CASR: variants seen among roughly 807,000 people sequenced by gnomAD.
CASR encodes the protein extracellular calcium-sensing receptor.
Under a neutral mutation model 69.1 loss-of-function variants are expected in CASR, and 23 were observed. That is an observed-to-expected ratio of 0.33 (90% CI 0.24 to 0.47). CASR has a LOEUF of 0.47. CASR is among the 20% of genes least tolerant of loss of function. CASR has a pLI of 1.00. For synonymous variants in CASR, 541 were observed against 544.7 expected, an observed-to-expected ratio of 0.99 and a Z score of 0.10; for missense variants, 924 against 1,356.1, an observed-to-expected ratio of 0.68 and a Z score of 5.00.
At chr3:122,270,911 A>G (rs2074750485) in intron 4 of CASR, among the ~76,000 whole-genome samples, 2 of 152,212 alleles carry the variant, frequency 1.3e-5, no homozygotes, top group Non-Finnish European at 2.9e-5. Context: ...TTTATAATCC[A>G]GAATATGGTT....
chr3:122,227,075 T>C (rs1027958568), intron 1 of CASR, among the ~76,000 whole-genome samples: 4 of 152,186 alleles, frequency 2.6e-5, no homozygotes, highest in Middle Eastern at 3.2e-3. Context: ...AGAGTGCTGA[T>C]TGGTGTACCT....
intron 1 of CASR, among the ~76,000 whole-genome samples, chr3:122,207,050 T>G (rs1231181169): frequency 6.6e-6 from 1 of 152,038 alleles, no homozygotes. Flanking sequence ...TTTTTTTAAG[T>G]CTCAATTTCA....
intron 2 of CASR, among the ~76,000 whole-genome samples, chr3:122,255,342 C>G (rs2074543820): frequency 6.6e-6 from 1 of 152,230 alleles, no homozygotes; most frequent in South Asian, 2.1e-4. Context: ...GGATCCAGCA[C>G]TTTTCCTTGC....
At chr3:122,189,782 G>T (rs2107579137) in intron 1 of CASR, among the ~76,000 whole-genome samples, 1 of 152,312 alleles carries the variant, frequency 6.6e-6, no homozygotes, top group East Asian at 1.9e-4. Context: ...CAGGCTCAAA[G>T]AAATTGCAGT....
At position 122,212,039 on chromosome 3, in the gene CASR, C is replaced by A. The variant is rs536724618; in HGVS notation, c.-243+28227C>A. The stretch of plus-strand genomic sequence containing the variant: ...CCTAGAACGATAAATAGCATTTGAC[C>A]CAGCAATCCCATTACTGAGTATATA... On this transcript the variant is annotated intron_variant, in intron 1 of 6. Coordinates refer to ENST00000639785, the MANE Select transcript of CASR (RefSeq NM_000388.4). Among the ~76,000 whole-genome samples the A allele has an allele frequency of 9.9e-5, 15 of 152,194 alleles. No homozygotes were observed. In the East Asian group the frequency reaches 2.9e-3, roughly 29 times the overall value.
chr3:122,272,074 T>C lies in CASR; in HGVS notation c.1378-3738T>C, dbSNP rs1439440301. ...CAAATGTTTGTGTGGACATATATTT[T>C]CATTTCTCCTAGGAATGCACACACA... is the stretch of plus-strand genomic sequence containing the variant. On this transcript the variant is annotated intron_variant, in intron 4 of 6. Transcript: ENST00000639785. Among the ~76,000 whole-genome samples, 10 of 142,614 alleles carry C rather than the reference T, an allele frequency of 7.0e-5. No homozygotes were observed. In the Admixed American group the frequency reaches 7.4e-4, roughly 11 times the overall value. 93.6% of individuals were successfully genotyped at this position (142,614 alleles called of 152,430 possible). A position where few individuals can be genotyped will look rare whatever the true frequency, so the allele number is the denominator to read the frequency against.
chr3:122,198,768 A>C (rs182570272), intron 1 of CASR, among the ~76,000 whole-genome samples: 1 of 151,670 alleles, frequency 6.6e-6, no homozygotes. Flanking sequence ...TACTCAAAAA[A>C]TTTTTCTTTT....
chr3:122,242,100 C>A (rs148828601), intron 1 of CASR, among the ~76,000 whole-genome samples: 1 of 152,178 alleles, frequency 6.6e-6, no homozygotes, highest in African/African-American at 2.4e-5. Context: ...AATCTGGAAG[C>A]CTTTCCTCTA....
intron 1 of CASR, among the ~76,000 whole-genome samples, chr3:122,222,943 G>A (rs1340995538): frequency 6.6e-6 from 1 of 152,078 alleles, no homozygotes; most frequent in Non-Finnish European, 1.5e-5. Flanking sequence ...TTACATGGTA[G>A]TTTAACAACC....
At chr3:122,282,260 T>A (rs1172754699) in intron 6 of CASR, 24 bp downstream of exon 6, 1 of 1,613,226 alleles carries the variant, frequency 6.2e-7, no homozygotes, top group African/African-American at 1.3e-5. Flanking sequence ...TCTTGGGCAC[T>A]GTGCAGGGCT....
At chr3:122,260,833 G>T (rs1399645919) in intron 3 of CASR, among the ~76,000 whole-genome samples, 3 of 152,156 alleles carry the variant, frequency 2.0e-5, no homozygotes, top group African/African-American at 7.2e-5. Flanking sequence ...GGTCTTAGTG[G>T]TCTAATTGAG....
intron 4 of CASR, among the ~76,000 whole-genome samples, chr3:122,266,487 C>A (rs1262092315): frequency 6.6e-6 from 1 of 151,466 alleles, no homozygotes; most frequent in East Asian, 1.9e-4. Flanking sequence ...TGGAATGCAG[C>A]GGCCCGATCT....
At chr3:122,201,291 A>G (rs1005671701) in intron 1 of CASR, among the ~76,000 whole-genome samples, 2 of 152,226 alleles carry the variant, frequency 1.3e-5, no homozygotes, top group African/African-American at 4.8e-5. Flanking sequence ...GACACAGCAC[A>G]TGCTTCAGAG....
intron 1 of CASR, among the ~76,000 whole-genome samples, chr3:122,210,818 T>C (rs181147855): frequency 5.3e-5 from 8 of 152,148 alleles, no homozygotes; most frequent in African/African-American, 1.9e-4. Flanking sequence ...GGAGGCATCA[T>C]GCTACCCAAC....
intron 1 of CASR, among the ~76,000 whole-genome samples, chr3:122,251,571 G>A (rs1205369257): frequency 6.6e-6 from 1 of 152,206 alleles, no homozygotes; most frequent in African/African-American, 2.4e-5. Flanking sequence ...AAGATAAGTA[G>A]ATGTTTTCCA....
chr3:122,238,272 C>T (rs1266994004), intron 1 of CASR, among the ~76,000 whole-genome samples: 1 of 152,148 alleles, frequency 6.6e-6, no homozygotes, highest in Non-Finnish European at 1.5e-5. Context: ...AGCGACTGGG[C>T]CACTTGGCAC....
chr3:122,191,470 C>G (rs558294403), intron 1 of CASR, among the ~76,000 whole-genome samples: 26 of 152,190 alleles, frequency 1.7e-4, no homozygotes, highest in Admixed American at 1.2e-3. Flanking sequence ...CACCACCATG[C>G]CTGGCTAATT....
chr3:122,258,895 A>C (rs941329492), intron 3 of CASR, among the ~76,000 whole-genome samples: 1 of 151,962 alleles, frequency 6.6e-6, no homozygotes, highest in Non-Finnish European at 1.5e-5. Context: ...AACACTCTGG[A>C]AGTGATTCTA....
chr3:122,225,152 C>T (rs972582100), intron 1 of CASR, among the ~76,000 whole-genome samples: 4 of 152,010 alleles, frequency 2.6e-5, no homozygotes, highest in South Asian at 4.1e-4. Context: ...TGGACATCAG[C>T]CTTGGGAAAG....
Sources: allele counts gnomAD v4.1 joint callset (sites outside exome capture counted in the v4.1 genomes callset), GRCh38; gene constraint gnomAD v4.1.1; transcripts MANE v1.5; gene names NCBI Gene and HGNC (gene_info 2026-07-23, HGNC 2026-07-21).